The following SHISAL1 variants were observed in gnomAD, a reference collection of about 807,000 sequenced individuals.
SHISAL1 encodes protein shisa-like-1.
Under a neutral mutation model 22.6 loss-of-function variants are expected in SHISAL1, and 9 were observed. The observed-to-expected ratio is 0.40, with a 90% CI of 0.24 to 0.70. The LOEUF is 0.70. SHISAL1 is among the 30% of genes least tolerant of loss of function. SHISAL1 has a pLI of 0.39. For synonymous variants in SHISAL1, 119 were observed against 115.4 expected (o/e 1.03, Z -0.20); for missense variants, 246 against 270.6 (o/e 0.91, Z 0.64).
upstream of SHISAL1, among the ~76,000 whole-genome samples, chr22:44,316,924 C>T (rs913645509): frequency 2.0e-5 from 3 of 152,160 alleles, no homozygotes; most frequent in African/African-American, 2.4e-5. Context: ...AGCACCAACG[C>T]GGCTAATTGG....
intron 4 of SHISAL1, 41 bp downstream of exon 4, chr22:44,285,387 A>C: frequency 6.3e-7 from 1 of 1,594,868 alleles, no homozygotes; most frequent in Non-Finnish European, 8.6e-7. Context: ...CTCCAAAGAC[A>C]ATGACCCAAA....
intron 3 of SHISAL1, among the ~76,000 whole-genome samples, chr22:44,294,408 C>T (rs997025339): frequency 6.6e-6 from 1 of 152,108 alleles, no homozygotes; most frequent in Non-Finnish European, 1.5e-5. Flanking sequence ...AGACAGAGAT[C>T]GAGGCTCACA....
chr22:44,313,536 G>T (rs1275022010), upstream of SHISAL1, among the ~76,000 whole-genome samples: 8 of 152,232 alleles, frequency 5.3e-5, no homozygotes, highest in Non-Finnish European at 1.0e-4. Flanking sequence ...AGTAGGAATG[G>T]GGTGGGGATG....
intron 4 of SHISAL1, among the ~76,000 whole-genome samples, chr22:44,261,210 G>C (rs537383060): frequency 5.0e-5 from 5 of 100,524 alleles, no homozygotes; most frequent in Non-Finnish European, 1.2e-4. Context: ...CGCCTTAGCT[G>C]GGCCTCAGGG....
At chr22:44,314,140 G>A (rs1471177524), upstream of SHISAL1, among the ~76,000 whole-genome samples, 1 of 150,716 alleles carries the variant, frequency 6.6e-6, no homozygotes, top group Non-Finnish European at 1.5e-5. Flanking sequence ...GGGTCGCCTG[G>A]CTGGGGACTC....
chr22:44,280,719 G>T (rs2055270761), intron 4 of SHISAL1, among the ~76,000 whole-genome samples: 1 of 132,834 alleles, frequency 7.5e-6, no homozygotes, highest in Admixed American at 7.4e-5. Context: ...GAGTGGAGCT[G>T]GGTGTCCCAG....
At chr22:44,296,155 C>T (rs1046652704) in intron 3 of SHISAL1, among the ~76,000 whole-genome samples, 2 of 149,994 alleles carry the variant, frequency 1.3e-5, no homozygotes, top group Non-Finnish European at 3.0e-5. Context: ...CTCCCTCCCT[C>T]CCTCTTTTCT....
chr22:44,259,485 AAG>A (rs1491369173), intron 4 of SHISAL1, among the ~76,000 whole-genome samples: 13 of 151,130 alleles, frequency 8.6e-5, no homozygotes, highest in Non-Finnish European at 1.8e-4. Flanking sequence ...AAAAAAAAAA[AAG>A]AAACAGCCAA....
chr22:44,326,905 G>C, the SHISAL1 span, among the ~76,000 whole-genome samples: 1 of 152,060 alleles, frequency 6.6e-6, no homozygotes. Context: ...TCATCATCTA[G>C]GAAATGTTTG....
In SHISAL1 at chr22:44,265,477, C is replaced by G. The variant is rs191458053; in HGVS notation, c.*-15792G>C. Among the ~76,000 whole-genome samples the G allele has an allele frequency of 2.3e-3, 343 of 152,244 alleles. 4 individuals carry two copies. Among genetic ancestry groups the G allele is most frequent in the African/African-American group, 8.0e-3 (331 of 41,548 alleles). On this transcript the variant is annotated intron_variant, in intron 4 of 4. Coordinates refer to ENST00000381176, the MANE Select transcript of SHISAL1 (RefSeq NM_001099294.2). ...GCTGAGAGGTGTATCCTCTCCAGCA[C>G]AGCCTTGAGATAACCAGTCTCAGCC... is the stretch of plus-strand genomic sequence containing the variant.
rs747350965 is a variant in SHISAL1, at chr22:44,285,796, C to G, written c.282-51G>C. The G allele has an allele frequency of 2.0e-6, 3 of 1,475,034 alleles. No individual in the cohort carries two copies. The East Asian group carries it at 6.8e-5, about 33-fold the overall frequency. The allele number at this position is 1,475,034 out of a possible 1,614,324, so 91.4% of individuals were successfully genotyped here. Reference sequence around the variant, plus strand: ...GCAAGCAGAGGGGAGCAGTCCAGCTCAGGCCGGCTTCATCAGTGGGGCTGA... The same window carrying G: ...GCAAGCAGAGGGGAGCAGTCCAGCTGAGGCCGGCTTCATCAGTGGGGCTGA... On this transcript the variant is annotated intron_variant, in intron 3 of 4. Coordinates refer to ENST00000381176, the MANE Select transcript of SHISAL1 (RefSeq NM_001099294.2).
At chr22:44,264,583 G>C (rs1353139900) in intron 4 of SHISAL1, among the ~76,000 whole-genome samples, 1 of 152,050 alleles carries the variant, frequency 6.6e-6, no homozygotes, top group Non-Finnish European at 1.5e-5. Context: ...GGGGATGTCA[G>C]TCCATGGGGC....
intron 1 of SHISAL1, among the ~76,000 whole-genome samples, chr22:44,311,313 T>G (rs1313524762): frequency 6.6e-6 from 1 of 152,024 alleles, no homozygotes; most frequent in Non-Finnish European, 1.5e-5. Flanking sequence ...CTGGCCTGGG[T>G]GCTGGAATTG....
chr22:44,256,229 T>TTGA (rs2055083890), intron 4 of SHISAL1, among the ~76,000 whole-genome samples: 4 of 150,104 alleles, frequency 2.7e-5, no homozygotes, highest in Admixed American at 2.7e-4. Flanking sequence ...TCTCAGGCCC[T>TTGA]CGACTCACAC....
At chr22:44,273,130 C>T (rs2055216442) in intron 4 of SHISAL1, among the ~76,000 whole-genome samples, 1 of 152,126 alleles carries the variant, frequency 6.6e-6, no homozygotes, top group African/African-American at 2.4e-5. Context: ...ATTGGCTTCC[C>T]ACAGTAAAGT....
chr22:44,300,677 TAGAGACAG>T (rs2055421738), intron 2 of SHISAL1, among the ~76,000 whole-genome samples, 194 bp downstream of exon 2: 1 of 149,214 alleles, frequency 6.7e-6, no homozygotes, highest in Non-Finnish European at 1.5e-5. Flanking sequence ...ACAGTAGAGA[TAGAGACAG>T]AGAGACAGAG....
chr22:44,326,207 C>G, the SHISAL1 span, among the ~76,000 whole-genome samples: 1 of 152,136 alleles, frequency 6.6e-6, no homozygotes, highest in Admixed American at 6.6e-5. Context: ...GCTCCGGGAG[C>G]CTCAGAGGAA....
At chr22:44,253,584 C>G (rs566544394) in intron 4 of SHISAL1, among the ~76,000 whole-genome samples, 1 of 150,334 alleles carries the variant, frequency 6.7e-6, no homozygotes, top group African/African-American at 2.5e-5. Flanking sequence ...GCTCAACCAC[C>G]ATGTCTGGCT....
intron 4 of SHISAL1, among the ~76,000 whole-genome samples, chr22:44,280,041 G>A (rs1480251427): frequency 6.6e-6 from 1 of 152,138 alleles, no homozygotes; most frequent in African/African-American, 2.4e-5. Flanking sequence ...GAGGGCTGGG[G>A]CTAGGCAGCC....
Sources: allele counts gnomAD v4.1 joint callset (sites outside exome capture counted in the v4.1 genomes callset), GRCh38; gene constraint gnomAD v4.1.1; transcripts MANE v1.5; gene names NCBI Gene and HGNC (gene_info 2026-07-23, HGNC 2026-07-21).